Variants in SCN8A observed in about 807,000 individuals in gnomAD.
SCN8A encodes sodium channel protein type 8 subunit alpha.
Under a neutral mutation model 184.1 loss-of-function variants are expected in SCN8A, and 30 were observed. That is an observed-to-expected ratio of 0.16 (90% CI 0.12 to 0.22). SCN8A has a LOEUF of 0.22. Among genes scored for constraint, SCN8A ranks in the 10% least tolerant of loss-of-function variants. SCN8A has a pLI of 1.00. For missense variants in SCN8A, 1,057 were observed against 2,498.9 expected (o/e 0.42, Z 12.30); for synonymous variants, 852 against 907.0 (o/e 0.94, Z 1.09).
intron 1 of SCN8A, among the ~76,000 whole-genome samples, chr12:51,637,186 C>G (rs1182229325): frequency 6.6e-6 from 1 of 152,124 alleles, no homozygotes; most frequent in African/African-American, 2.4e-5. Context: ...TCTGACTGCT[C>G]CACTGACCAG....
At chr12:51,596,780 A>G (rs572582140) in intron 1 of SCN8A, among the ~76,000 whole-genome samples, 82 of 152,272 alleles carry the variant, frequency 5.4e-4, no homozygotes, top group South Asian at 8.3e-4. Context: ...TAAAAAGGTC[A>G]TATCTTGGTG....
intron 6 of SCN8A, among the ~76,000 whole-genome samples, chr12:51,695,805 A>G (rs1179193794): frequency 2.0e-5 from 3 of 152,182 alleles, no homozygotes; most frequent in Non-Finnish European, 4.4e-5. Context: ...TCCTGTTCCA[A>G]ATTCCTGTAG....
At chr12:51,784,487 GCCTC>G (rs1938021827) in intron 21 of SCN8A, among the ~76,000 whole-genome samples, 2 of 152,032 alleles carry the variant, frequency 1.3e-5, no homozygotes, top group Non-Finnish European at 2.9e-5. Context: ...CCTGAGAAGG[GCCTC>G]CCCTTCTCAG....
chr12:51,768,007 GT>G (rs1308087092), intron 16 of SCN8A: 1 of 152,176 alleles, frequency 6.6e-6, no homozygotes, highest in Middle Eastern at 3.4e-3. Flanking sequence ...TCTACAAATG[GT>G]GCAGATAATC....
chr12:51,602,116 G>A (rs1332500240), intron 1 of SCN8A, among the ~76,000 whole-genome samples: 2 of 151,932 alleles, frequency 1.3e-5, no homozygotes, highest in Non-Finnish European at 2.9e-5. Flanking sequence ...TTATTTGTGG[G>A]AATTGAATGC....
chr12:51,793,221 A>C (rs1938315277), intron 25 of SCN8A, among the ~76,000 whole-genome samples: 1 of 152,180 alleles, frequency 6.6e-6, no homozygotes, highest in Non-Finnish European at 1.5e-5. Flanking sequence ...GATGAACCCA[A>C]GTTATAATTT....
Position 51,769,996 on chromosome 12 carries a change from A to T in SCN8A, c.3490+11A>T, listed in dbSNP as rs770510526. The T allele has an allele frequency of 2.6e-5, 41 of 1,552,838 alleles. No homozygotes were observed. The South Asian group carries it at 4.7e-4, about 18-fold the overall frequency. On this transcript the variant is annotated intron_variant, in intron 18 of 26. Transcript: ENST00000627620. ...CCTGCTTCACAGAAGGTGAAAGGGG[A>T]TGAGGAGCGGATGGGCTGGGGACAC...
rs1938833043 is a variant in SCN8A at position 51,809,794 on chromosome 12, CATGTTT to C, written c.*2368_*2373del. The C allele has an allele frequency of 6.6e-6, 1 of 152,096 alleles. No individual in the cohort carries two copies. Among genetic ancestry groups the C allele is most frequent in the African/African-American group, 2.4e-5 (1 of 41,412 alleles). 9.4% of individuals were successfully genotyped at this position (152,096 alleles called of 1,614,324 possible). A position where few individuals can be genotyped will look rare whatever the true frequency, so the allele number is the denominator to read the frequency against. On this transcript the variant is annotated 3_prime_UTR_variant, in exon 27 of 27. Coordinates refer to ENST00000627620, the MANE Select transcript of SCN8A (RefSeq NM_001330260.2). ...AATGGCTTCTGGCTTATGCCATTGT[CATGTTT>C]ATTTTTATTTTTTATACTTTTCTTT... is the stretch of plus-strand genomic sequence containing the variant.
Position 51,809,335 on chromosome 12 carries a change from T to C in SCN8A, c.*1906T>C, listed in dbSNP as rs1938816720. 1 of 152,198 alleles carries C rather than the reference T, an allele frequency of 6.6e-6. No homozygotes were observed. The highest frequency in any genetic ancestry group is 1.5e-5 in the Non-Finnish European group (1 of 68,044). The allele number at this position is 152,198 out of a possible 1,614,324, so 9.4% of individuals were successfully genotyped here. On this transcript the variant is annotated 3_prime_UTR_variant, in exon 27 of 27. Coordinates refer to ENST00000627620, the MANE Select transcript of SCN8A (RefSeq NM_001330260.2). ...AATAAATTCTTCCTGAACCATACAC[T>C]AGAGGGGGAAGAAGAACCAACCCAT...
At chr12:51,771,692 C>G (rs965332037) in intron 19 of SCN8A, among the ~76,000 whole-genome samples, 1 of 152,180 alleles carries the variant, frequency 6.6e-6, no homozygotes, top group Non-Finnish European at 1.5e-5. Context: ...AGCCACTGAT[C>G]TGAGTGAAGG....
At chr12:51,712,850 C>A in intron 11 of SCN8A, 1 of 1,377,996 alleles carries the variant, frequency 7.3e-7, no homozygotes, top group South Asian at 1.2e-5. Flanking sequence ...CTGCCACCAC[C>A]TCCACCACCA....
chr12:51,673,233 A>C (rs546125525), intron 2 of SCN8A, among the ~76,000 whole-genome samples: 2 of 152,156 alleles, frequency 1.3e-5, no homozygotes, highest in African/African-American at 4.8e-5. Context: ...TTTATAAAGC[A>C]TTTACATTGT....
At chr12:51,659,776 A>G (rs928393671) in intron 1 of SCN8A, among the ~76,000 whole-genome samples, 18 of 152,324 alleles carry the variant, frequency 1.2e-4, no homozygotes, top group Admixed American at 1.0e-3. Context: ...AGGAAGAGCA[A>G]TTGGAAAGGC....
intron 11 of SCN8A, among the ~76,000 whole-genome samples, chr12:51,711,853 T>G (rs1941882902): frequency 6.6e-6 from 1 of 152,170 alleles, no homozygotes; most frequent in South Asian, 2.1e-4. Flanking sequence ...ATCTATTCTC[T>G]CCACGTCAGT....
intron 26 of SCN8A, among the ~76,000 whole-genome samples, chr12:51,804,528 C>T (rs1192873645): frequency 1.3e-5 from 2 of 149,664 alleles, no homozygotes; most frequent in Non-Finnish European, 3.0e-5. Context: ...CTCACTCTGT[C>T]GCCCAGGCTG....
chr12:51,708,907 ACAT>A (rs568110541), intron 11 of SCN8A, among the ~76,000 whole-genome samples: 114 of 152,330 alleles, frequency 7.5e-4, no homozygotes, highest in African/African-American at 2.3e-3. Context: ...GGTGATTAAA[ACAT>A]CATCCCTACC....
chr12:51,774,261 A>G lies in SCN8A; in HGVS notation c.3718A>G (p.Thr1240Ala), dbSNP rs763162763. 1 of 1,614,136 alleles carries G rather than the reference A, an allele frequency of 6.2e-7. No homozygotes were observed. Among genetic ancestry groups the G allele is most frequent in the Non-Finnish European group, 8.5e-7 (1 of 1,179,986 alleles). Residue 1240 changes from threonine to alanine, a missense_variant, in exon 20 of 27, where the codon ACC becomes GCC. By Grantham distance (58) the Thr-to-Ala change is moderately conservative. Coordinates refer to ENST00000627620, the MANE Select transcript of SCN8A (RefSeq NM_001330260.2). ...TILEYADKVF[T>A]YIFILEMLLK... ...CCTGGAATATGCTGACAAAGTCTTC[A>G]CCTATATCTTCATCCTGGAGATGTT...
intron 1 of SCN8A, among the ~76,000 whole-genome samples, chr12:51,593,204 T>G (rs951477099): frequency 1.3e-5 from 2 of 152,158 alleles, no homozygotes; most frequent in African/African-American, 4.8e-5. Flanking sequence ...GTAGTGATCC[T>G]TTGGTGTTCA....
At chr12:51,757,274 G>A (rs768231716) in intron 14 of SCN8A, among the ~76,000 whole-genome samples, 83 of 151,646 alleles carry the variant, frequency 5.5e-4, no homozygotes, top group Admixed American at 4.6e-3. Context: ...ACATTCTGGC[G>A]ACTGAGTTCG....
Sources: allele counts gnomAD v4.1 joint callset (sites outside exome capture counted in the v4.1 genomes callset), GRCh38; gene constraint gnomAD v4.1.1; transcripts MANE v1.5; gene names NCBI Gene and HGNC (gene_info 2026-07-23, HGNC 2026-07-21).